GRIP1: variants seen among roughly 807,000 people sequenced by gnomAD.
The protein encoded by GRIP1 is glutamate receptor interacting protein 1.
Under a neutral mutation model 129.9 loss-of-function variants are expected in GRIP1, and 45 were observed. The ratio of observed to expected loss-of-function variants is 0.35; its 90% CI spans 0.27 to 0.44. The LOEUF (loss-of-function observed/expected upper bound fraction) is 0.44, where lower values mean the gene tolerates loss of function less well. Among genes scored for constraint, GRIP1 ranks in the 20% least tolerant of loss-of-function variants. The probability of loss-of-function intolerance (pLI) is 1.00; values close to 1 mark genes in which losing one functional copy is unlikely to be tolerated. For missense variants in GRIP1, 1,196 were observed against 1,396.8 expected, an observed-to-expected ratio of 0.86 and a Z score of 2.29; for synonymous variants, 530 against 520.8, an observed-to-expected ratio of 1.02 and a Z score of -0.24.
intron 1 of GRIP1, among the ~76,000 whole-genome samples, chr12:66,630,504 G>A (rs2030649439): frequency 1.4e-5 from 2 of 139,376 alleles, no homozygotes; most frequent in South Asian, 4.5e-4. Flanking sequence ...ATTTTTTTGA[G>A]TGAAAGAATG....
At chr12:66,417,694 G>A (rs1446747995) in intron 15 of GRIP1, among the ~76,000 whole-genome samples, 2 of 151,992 alleles carry the variant, frequency 1.3e-5, no homozygotes, top group Non-Finnish European at 2.9e-5. Flanking sequence ...TTTTACAAGA[G>A]CCACAAATAA....
chr12:66,366,845 G>A (rs1174289129), intron 23 of GRIP1, among the ~76,000 whole-genome samples: 4 of 116,262 alleles, frequency 3.4e-5, no homozygotes, highest in Non-Finnish European at 5.3e-5. Context: ...CACCACGCCC[G>A]GCTAATTTTT....
At chr12:66,450,370 A>G (rs1336258295) in intron 11 of GRIP1, among the ~76,000 whole-genome samples, 1 of 150,360 alleles carries the variant, frequency 6.7e-6, no homozygotes, top group African/African-American at 2.4e-5. Context: ...TTTAATAGTA[A>G]CAGGTGAGAT....
At chr12:66,928,202 T>C (rs2041328014) in intron 1 of GRIP1, among the ~76,000 whole-genome samples, 1 of 152,220 alleles carries the variant, frequency 6.6e-6, no homozygotes, top group Non-Finnish European at 1.5e-5. Context: ...CTGGTAAATA[T>C]TGCTTGAACT....
At chr12:66,951,162 C>G (rs982902421) in intron 1 of GRIP1, among the ~76,000 whole-genome samples, 4 of 152,078 alleles carry the variant, frequency 2.6e-5, no homozygotes, top group Non-Finnish European at 4.4e-5. Flanking sequence ...GTGTTAAATG[C>G]TATGAAGTCT....
At chr12:66,908,727 G>T (rs909537774) in intron 1 of GRIP1, among the ~76,000 whole-genome samples, 1 of 152,168 alleles carries the variant, frequency 6.6e-6, no homozygotes, top group Non-Finnish European at 1.5e-5. Context: ...TGCTGGAAGA[G>T]GACTGTATAT....
In GRIP1 at chr12:66,515,627, G is replaced by A; in HGVS notation, c.716C>T (p.Ser239Leu). 2 of 1,613,236 alleles carry A rather than the reference G, an allele frequency of 1.2e-6. No individual in the cohort carries two copies. The highest frequency in any genetic ancestry group is 1.7e-6 in the Non-Finnish European group (2 of 1,179,232). ...TCAGGACCCCAACATACCCATTACTGAGACATCATATTCTATCAGCAGTGC... is the reference window on the plus strand; with the variant it reads ...TCAGGACCCCAACATACCCATTACTAAGACATCATATTCTATCAGCAGTGC... The part of the protein sequence containing the change: ...EAALLIEYDV[S>L]VMDSVATASG... Residue 239 changes from serine (S) to leucine (L), a missense_variant, in exon 7 of 25, where the codon TCA (serine) becomes TTA (leucine). Ser to Leu is a moderately radical substitution (Grantham distance 145, BLOSUM62 -2). Coordinates refer to ENST00000359742, the MANE Select transcript of GRIP1 (RefSeq NM_001366722.1).
chr12:67,053,033 T>C (rs907659841), intron 1 of GRIP1, among the ~76,000 whole-genome samples: 63 of 152,272 alleles, frequency 4.1e-4, no homozygotes, highest in African/African-American at 1.5e-3. Context: ...TGAATATTCA[T>C]TCTTCATCCA....
intron 1 of GRIP1, among the ~76,000 whole-genome samples, chr12:67,033,271 G>GTGTGTATATATA (rs571378077): frequency 1.4e-5 from 2 of 143,004 alleles, no homozygotes; most frequent in Non-Finnish European, 3.0e-5. Context: ...AAGACTACAT[G>GTGTGTATATATA]TATATATATA....
At chr12:66,471,062 G>A (rs1250259224) in intron 7 of GRIP1, among the ~76,000 whole-genome samples, 12 of 152,180 alleles carry the variant, frequency 7.9e-5, no homozygotes, top group Admixed American at 7.2e-4. Context: ...AACTCAACTG[G>A]AAGCCAGAAG....
intron 1 of GRIP1, among the ~76,000 whole-genome samples, chr12:66,765,123 C>T (rs2037592408): frequency 7.1e-6 from 1 of 140,344 alleles, no homozygotes; most frequent in South Asian, 2.4e-4. Context: ...AAATATGTAC[C>T]CTTCATTGAA....
intron 1 of GRIP1, among the ~76,000 whole-genome samples, chr12:66,879,278 A>G (rs2040434094): frequency 6.6e-6 from 1 of 152,058 alleles, no homozygotes; most frequent in African/African-American, 2.4e-5. Context: ...AAAGGAAAAA[A>G]AAAAGTGGAG....
At chr12:66,883,377 T>C (rs1432202402) in intron 1 of GRIP1, among the ~76,000 whole-genome samples, 1 of 152,120 alleles carries the variant, frequency 6.6e-6, no homozygotes, top group African/African-American at 2.4e-5. Context: ...CCCATCAAAA[T>C]ACCCAACCCA....
intron 1 of GRIP1, among the ~76,000 whole-genome samples, chr12:67,056,223 A>AT (rs1357421622): frequency 1.3e-5 from 2 of 152,346 alleles, no homozygotes; most frequent in Non-Finnish European, 2.9e-5. Context: ...ATGGTCATGA[A>AT]TTCAGACAGG....
chr12:67,053,455 C>T (rs1226460715), intron 1 of GRIP1, among the ~76,000 whole-genome samples: 2 of 152,180 alleles, frequency 1.3e-5, no homozygotes, highest in African/African-American at 4.8e-5. Flanking sequence ...GACACGATTG[C>T]TAACACAAAA....
chr12:66,749,200 GA>G (rs2037048054), intron 1 of GRIP1, among the ~76,000 whole-genome samples: 1 of 152,134 alleles, frequency 6.6e-6, no homozygotes, highest in African/African-American at 2.4e-5. Flanking sequence ...TACTCACGAA[GA>G]AAAACCGTTT....
At chr12:67,011,660 G>A (rs2042709989) in intron 1 of GRIP1, among the ~76,000 whole-genome samples, 1 of 150,862 alleles carries the variant, frequency 6.6e-6, no homozygotes, top group African/African-American at 2.4e-5. Flanking sequence ...ACTTTCTCAA[G>A]AAGGTTTCAC....
In GRIP1 at chr12:66,464,616, C is replaced by T. The variant is rs528101709; in HGVS notation, c.872+659G>A. ...AAGAAAGATCTACTCAGCTACCCTA[C>T]ATTAAGAACAGGCTAGTGCCCTAGG... On this transcript the variant is annotated intron_variant, in intron 8 of 24. Coordinates refer to ENST00000359742, the MANE Select transcript of GRIP1 (RefSeq NM_001366722.1). Among the ~76,000 whole-genome samples the T allele has an allele frequency of 1.8e-4, 28 of 152,292 alleles. 1 individual carries two copies. The highest frequency in any genetic ancestry group is 6.3e-4 in the African/African-American group (26 of 41,544).
intron 1 of GRIP1, among the ~76,000 whole-genome samples, chr12:67,038,875 C>T (rs1471809987): frequency 2.0e-5 from 3 of 152,116 alleles, no homozygotes; most frequent in Non-Finnish European, 2.9e-5. Context: ...AATAACTTAG[C>T]GCAGCATGAC....
Sources: allele counts gnomAD v4.1 joint callset (sites outside exome capture counted in the v4.1 genomes callset), GRCh38; gene constraint gnomAD v4.1.1; transcripts MANE v1.5; gene names NCBI Gene and HGNC (gene_info 2026-07-23, HGNC 2026-07-21).